The following LUZP1 variants were observed in gnomAD, a reference collection of about 807,000 sequenced individuals.
LUZP1 encodes the protein leucine zipper protein 1.
LUZP1 carries 25 observed loss-of-function variants against 71.3 expected under a neutral mutation model. The ratio of observed to expected loss-of-function variants is 0.35; its 90% confidence interval spans 0.26 to 0.49. The LOEUF is 0.49. Among genes scored for constraint, LUZP1 ranks in the 20% least tolerant of loss-of-function variants. The pLI is 0.99. For synonymous variants in LUZP1, 481 were observed against 506.4 expected, an observed-to-expected ratio of 0.95 and a Z score of 0.67; for missense variants, 1,142 against 1,300.8, an observed-to-expected ratio of 0.88 and a Z score of 1.88.
intron 3 of LUZP1, among the ~76,000 whole-genome samples, chr1:23,097,497 C>T (rs924104893): frequency 1.3e-5 from 2 of 151,994 alleles, no homozygotes; most frequent in Non-Finnish European, 2.9e-5. Flanking sequence ...GAATTCTGGC[C>T]GTATGAAGGC....
chr1:23,132,625 A>G (rs1338902571), intron 2 of LUZP1, among the ~76,000 whole-genome samples: 1 of 152,144 alleles, frequency 6.6e-6, no homozygotes, highest in Non-Finnish European at 1.5e-5. Flanking sequence ...GTGGTTACAT[A>G]GCAGATTATC....
intron 3 of LUZP1, among the ~76,000 whole-genome samples, chr1:23,102,502 A>G (rs935505332): frequency 1.4e-4 from 21 of 152,216 alleles, no homozygotes; most frequent in Admixed American, 2.0e-4. Flanking sequence ...TAGTATACAC[A>G]TAAGTATGCA....
chr1:23,131,097 T>A (rs1279910912), intron 2 of LUZP1, among the ~76,000 whole-genome samples: 1 of 151,730 alleles, frequency 6.6e-6, no homozygotes, highest in Admixed American at 6.6e-5. Context: ...CGGGCACCTG[T>A]AATCCCAGCT....
At chr1:23,174,455 GATA>G (rs1323321399) in intron 1 of LUZP1, among the ~76,000 whole-genome samples, 2 of 152,106 alleles carry the variant, frequency 1.3e-5, no homozygotes, top group Admixed American at 6.6e-5. Context: ...AATACTCAGA[GATA>G]ATGTTTTACC....
chr1:23,094,214 C>A lies in LUZP1; in HGVS notation c.48G>T (p.Leu16Phe). 6.2e-7 allele frequency: 1 copy of A among 1,612,542 alleles called. No individual in the cohort carries two copies. The highest frequency in any genetic ancestry group is 8.5e-7 in the Non-Finnish European group (1 of 1,179,574). Residue 16 changes from leucine (L) to phenylalanine (F), a missense_variant, in exon 4 of 5, where the codon TTG (leucine) becomes TTT (phenylalanine). Leu to Phe is a conservative substitution (Grantham distance 22). Transcript: ENST00000302291. The surrounding 1 kb of genome is among the most constrained non-coding windows in gnomAD (Gnocchi z 4.7). ...GGCTTAGACTCTGTAGCTTAAACCG[C>A]AAGTGGCGGCTGGAGGCCGTCTCCT...
intron 2 of LUZP1, among the ~76,000 whole-genome samples, chr1:23,119,067 A>G (rs758621432): frequency 5.3e-5 from 8 of 152,158 alleles, no homozygotes; most frequent in Non-Finnish European, 1.2e-4. Flanking sequence ...CCCCGTAGCA[A>G]TTAACGTGGA....
chr1:23,095,692 C>T (rs56104112), intron 3 of LUZP1, among the ~76,000 whole-genome samples: 2 of 152,098 alleles, frequency 1.3e-5, no homozygotes, highest in East Asian at 3.8e-4. Flanking sequence ...AGTCACCTCC[C>T]TGATATAGGG....
At chr1:23,142,630 G>A (rs1644311974) in intron 2 of LUZP1, among the ~76,000 whole-genome samples, 1 of 151,456 alleles carries the variant, frequency 6.6e-6, no homozygotes, top group Non-Finnish European at 1.5e-5. Context: ...CTGGTGGTCT[G>A]GCTTCATACC....
At chr1:23,143,549 G>A (rs960709282) in intron 2 of LUZP1, among the ~76,000 whole-genome samples, 1 of 152,074 alleles carries the variant, frequency 6.6e-6, no homozygotes, top group South Asian at 2.1e-4. Flanking sequence ...TGCTTCAGTT[G>A]TTTTTTGCAC....
chr1:23,147,632 A>AC lies in LUZP1; in HGVS notation c.-226+21133_-226+21134insG, dbSNP rs1173166782. On this transcript the variant is annotated intron_variant, in intron 2 of 4. Coordinates refer to ENST00000302291, the Ensembl canonical transcript of LUZP1. ...CTACCCAAAAAAAAAAAAAAAAAAA[A>AC]AAAAATTAAATGGATTATATACTCA... Among the ~76,000 whole-genome samples the AC allele has an allele frequency of 2.0e-5, 3 of 151,482 alleles. No individual in the cohort carries two copies. In the East Asian group the frequency reaches 5.8e-4, roughly 29 times the overall value.
chr1:23,159,879 G>A (rs1467047186), intron 2 of LUZP1, among the ~76,000 whole-genome samples: 3 of 152,128 alleles, frequency 2.0e-5, no homozygotes, highest in Non-Finnish European at 4.4e-5. Context: ...CCAGCTACTC[G>A]GGAGGCTGAG....
intron 3 of LUZP1, among the ~76,000 whole-genome samples, chr1:23,099,378 A>G (rs1643914171): frequency 6.6e-6 from 1 of 152,238 alleles, no homozygotes; most frequent in Non-Finnish European, 1.5e-5. Flanking sequence ...GTGCTTTAAA[A>G]CAGCATATCC....
chr1:23,137,411 C>T (rs1299945496), intron 2 of LUZP1, among the ~76,000 whole-genome samples: 1 of 152,154 alleles, frequency 6.6e-6, no homozygotes, highest in African/African-American at 2.4e-5. Flanking sequence ...GAGGCTGAGG[C>T]AGGTGGATTA....
exon 5 of LUZP1, chr1:23,087,124 A>C (rs988424431): frequency 1.3e-5 from 2 of 152,190 alleles, no homozygotes; most frequent in African/African-American, 2.4e-5. Context: ...GACTCCTAGA[A>C]CGCCAGGAGA....
chr1:23,116,212 C>T (rs529080156), intron 2 of LUZP1, among the ~76,000 whole-genome samples: 21 of 152,300 alleles, frequency 1.4e-4, no homozygotes, highest in Middle Eastern at 3.4e-3. Flanking sequence ...GAGACCTTGT[C>T]TCTTAAAACA....
At chr1:23,168,120 G>C (rs1235847709) in intron 2 of LUZP1, among the ~76,000 whole-genome samples, 1 of 147,034 alleles carries the variant, frequency 6.8e-6, no homozygotes, top group Non-Finnish European at 1.5e-5. Flanking sequence ...GCGGGCCGGC[G>C]CGGCCGACAG....
chr1:23,095,567 A>G (rs181247086), intron 3 of LUZP1, among the ~76,000 whole-genome samples: 11 of 152,324 alleles, frequency 7.2e-5, no homozygotes, highest in Middle Eastern at 3.4e-3. Context: ...TCATGCAGGT[A>G]TAAGAGGCAA....
chr1:23,150,504 T>G (rs1457987556), intron 2 of LUZP1, among the ~76,000 whole-genome samples: 2 of 152,116 alleles, frequency 1.3e-5, no homozygotes, highest in Non-Finnish European at 2.9e-5. Context: ...AATTAAGAAC[T>G]TAGGACTTTG....
chr1:23,130,526 T>TC (rs1644206349), intron 2 of LUZP1, among the ~76,000 whole-genome samples: 1 of 49,904 alleles, frequency 2.0e-5, no homozygotes, highest in African/African-American at 8.9e-5. Context: ...AACAGTTATC[T>TC]TTTTTTTTTT....
Sources: gnomAD v4.1 joint callset for allele counts (sites outside exome capture counted in the v4.1 genomes callset) on GRCh38, gnomAD v4.1.1 for gene constraint, Gnocchi (gnomAD v3.1) non-coding constraint, MANE v1.5 for transcripts, NCBI Gene and HGNC (gene_info 2026-07-23, HGNC 2026-07-21) for gene names.